The following PLCL1 variants were observed in gnomAD, a reference collection of about 807,000 sequenced individuals.
The protein encoded by PLCL1 is inactive phospholipase C-like protein 1.
PLCL1 carries 41 observed loss-of-function variants against 84.4 expected under a neutral mutation model. The ratio of observed to expected loss-of-function variants is 0.49; its 90% CI spans 0.38 to 0.63. PLCL1 has a LOEUF of 0.63. Ranked by LOEUF, PLCL1 falls within the 30% of genes least tolerant of loss-of-function variation. PLCL1 has a pLI of 0.00. For missense variants in PLCL1, 1,206 were observed against 1,367.8 expected (o/e 0.88, Z 1.87); for synonymous variants, 490 against 488.3 (o/e 1.00, Z -0.05).
At chr2:197,819,457 A>T (rs1185493034) in intron 1 of PLCL1, among the ~76,000 whole-genome samples, 1 of 152,164 alleles carries the variant, frequency 6.6e-6, no homozygotes, top group African/African-American at 2.4e-5. Flanking sequence ...TGGAGTATAG[A>T]GAAACAGAGA....
chr2:197,901,422 A>T (rs1688265844), intron 1 of PLCL1, among the ~76,000 whole-genome samples: 1 of 152,238 alleles, frequency 6.6e-6, no homozygotes, highest in Non-Finnish European at 1.5e-5. Flanking sequence ...ACCAGTAAAG[A>T]TTCAGAAAAG....
intron 1 of PLCL1, among the ~76,000 whole-genome samples, chr2:198,027,666 A>G (rs940745238): frequency 9.2e-5 from 14 of 152,178 alleles, no homozygotes; most frequent in African/African-American, 3.4e-4. Flanking sequence ...AAAGAATATT[A>G]GTAGAAAACT....
intron 1 of PLCL1, among the ~76,000 whole-genome samples, chr2:197,935,527 A>G (rs1391836660): frequency 3.3e-5 from 5 of 152,142 alleles, no homozygotes; most frequent in Non-Finnish European, 5.9e-5. Flanking sequence ...AAAACCAAAT[A>G]CTGCATATTC....
At chr2:198,052,390 G>C (rs1337030796) in intron 1 of PLCL1, among the ~76,000 whole-genome samples, 2 of 152,110 alleles carry the variant, frequency 1.3e-5, no homozygotes, top group Non-Finnish European at 2.9e-5. Flanking sequence ...GAACTGTTGT[G>C]GGGTATAATG....
At chr2:197,966,392 T>C (rs1438855600) in intron 1 of PLCL1, among the ~76,000 whole-genome samples, 1 of 152,176 alleles carries the variant, frequency 6.6e-6, no homozygotes, top group Non-Finnish European at 1.5e-5. Context: ...CAGAGTACTT[T>C]AGCCAGGGTG....
chr2:197,985,888 C>T (rs1266291775), intron 1 of PLCL1, among the ~76,000 whole-genome samples: 8 of 152,192 alleles, frequency 5.3e-5, no homozygotes. Flanking sequence ...GAATAGACTA[C>T]AGCATTACTT....
At chr2:198,115,991 A>G (rs982666304) in intron 5 of PLCL1, among the ~76,000 whole-genome samples, 4 of 147,918 alleles carry the variant, frequency 2.7e-5, no homozygotes, top group East Asian at 2.0e-4. Context: ...TATTAAATAT[A>G]TAAAAATAGA....
chr2:197,924,084 C>G (rs1435080436), intron 1 of PLCL1, among the ~76,000 whole-genome samples: 1 of 135,846 alleles, frequency 7.4e-6, no homozygotes, highest in Non-Finnish European at 1.6e-5. Flanking sequence ...TGCAGTGAGC[C>G]GAGATGGCAG....
At chr2:198,080,254 A>C (rs1692678539) in intron 1 of PLCL1, among the ~76,000 whole-genome samples, 1 of 152,254 alleles carries the variant, frequency 6.6e-6, no homozygotes. Context: ...ACCATTTTTA[A>C]GTGTATAGTT....
At chr2:197,930,211 C>T (rs1458370876) in intron 1 of PLCL1, among the ~76,000 whole-genome samples, 1 of 152,216 alleles carries the variant, frequency 6.6e-6, no homozygotes, top group African/African-American at 2.4e-5. Context: ...AGACTTACCA[C>T]ATATCCCAAC....
chr2:197,916,682 A>T (rs898582505), intron 1 of PLCL1, among the ~76,000 whole-genome samples: 3 of 151,914 alleles, frequency 2.0e-5, no homozygotes, highest in African/African-American at 7.3e-5. Flanking sequence ...CAAATTGCAT[A>T]CCAGATACTG....
At chr2:198,024,858 A>G (rs1691227655) in intron 1 of PLCL1, among the ~76,000 whole-genome samples, 1 of 152,038 alleles carries the variant, frequency 6.6e-6, no homozygotes, top group South Asian at 2.1e-4. Context: ...AATTTCCCTA[A>G]TTAACGTAAT....
At chr2:197,897,511 T>C (rs1688176434) in intron 1 of PLCL1, among the ~76,000 whole-genome samples, 2 of 152,264 alleles carry the variant, frequency 1.3e-5, no homozygotes, top group South Asian at 4.1e-4. Context: ...TTAGTTTTCT[T>C]ATCTAAAATA....
At chr2:197,905,396 T>A (rs1688359438) in intron 1 of PLCL1, among the ~76,000 whole-genome samples, 1 of 152,238 alleles carries the variant, frequency 6.6e-6, no homozygotes, top group Non-Finnish European at 1.5e-5. Flanking sequence ...GGTTTCCAGC[T>A]TCATCCATGT....
intron 1 of PLCL1, among the ~76,000 whole-genome samples, chr2:198,034,292 A>C (rs530509402): frequency 6.6e-6 from 1 of 152,080 alleles, no homozygotes; most frequent in African/African-American, 2.4e-5. Context: ...ATGGTTTCCA[A>C]CTTCATCTAT....
chr2:197,817,355 T>C (rs926663381), intron 1 of PLCL1, among the ~76,000 whole-genome samples: 6 of 152,014 alleles, frequency 3.9e-5, no homozygotes, highest in Non-Finnish European at 8.8e-5. Flanking sequence ...CTGATGTTTC[T>C]ATGTGCGTGT....
At chr2:197,838,727 C>A (rs961512971) in intron 1 of PLCL1, among the ~76,000 whole-genome samples, 12 of 152,170 alleles carry the variant, frequency 7.9e-5, no homozygotes, top group African/African-American at 2.7e-4. Context: ...CGATACACTT[C>A]CCGTTTCACA....
intron 1 of PLCL1, among the ~76,000 whole-genome samples, chr2:197,867,101 G>T (rs958204875): frequency 6.6e-6 from 1 of 152,204 alleles, no homozygotes; most frequent in African/African-American, 2.4e-5. Flanking sequence ...TAAGACTGAA[G>T]TCAGAATGAT....
intron 1 of PLCL1, among the ~76,000 whole-genome samples, chr2:198,053,547 GCTT>G (rs1559087265): frequency 6.6e-6 from 1 of 152,130 alleles, no homozygotes; most frequent in Non-Finnish European, 1.5e-5. Context: ...TTCTCTTTTG[GCTT>G]CTTAGCTCTT....
Sources: gnomAD v4.1 joint callset for allele counts (sites outside exome capture counted in the v4.1 genomes callset) on GRCh38, gnomAD v4.1.1 for gene constraint, MANE v1.5 for transcripts, NCBI Gene and HGNC (gene_info 2026-07-23, HGNC 2026-07-21) for gene names.